CPEB3: variants seen among roughly 807,000 people sequenced by gnomAD.
The protein encoded by CPEB3 is cytoplasmic polyadenylation element-binding protein 3.
Under a neutral mutation model 67.2 loss-of-function variants are expected in CPEB3, and 20 were observed. The ratio of observed to expected loss-of-function variants is 0.30; its 90% confidence interval spans 0.21 to 0.43. The LOEUF (loss-of-function observed/expected upper bound fraction) is 0.43. Ranked by LOEUF, CPEB3 falls within the 20% of genes least tolerant of loss-of-function variation. The pLI, the probability that CPEB3 is intolerant of heterozygous loss-of-function variation, is 1.00. For missense variants in CPEB3, 746 were observed against 968.6 expected (o/e 0.77, Z 3.05); for synonymous variants, 376 against 393.1 (o/e 0.96, Z 0.51).
chr10:92,086,464 A>G (rs1843377489), intron 8 of CPEB3, among the ~76,000 whole-genome samples: 1 of 152,222 alleles, frequency 6.6e-6, no homozygotes, highest in South Asian at 2.1e-4. Context: ...GACTGTTACT[A>G]CTGTTACTGA....
chr10:92,181,367 CAAAAAAAAAAAA>C (rs55896574), intron 3 of CPEB3, among the ~76,000 whole-genome samples: 5 of 95,404 alleles, frequency 5.2e-5, no homozygotes, highest in Admixed American at 2.1e-4. Flanking sequence ...ATTCAAGCAG[CAAAAAAAAAAAA>C]AAAAAAAAAA....
At chr10:92,153,306 A>T (rs995669661) in intron 4 of CPEB3, among the ~76,000 whole-genome samples, 7 of 152,226 alleles carry the variant, frequency 4.6e-5, no homozygotes, top group Admixed American at 6.5e-5. Context: ...ATTGGATTTT[A>T]GAACTTTTGT....
intron 9 of CPEB3, 66 bp from the exon 10 acceptor site, chr10:92,052,505 G>C: frequency 7.2e-7 from 1 of 1,392,228 alleles, no homozygotes. Flanking sequence ...TCTTGCTTTT[G>C]AGAGTTTACA....
chr10:92,170,364 A>G (rs1377414790), intron 4 of CPEB3, among the ~76,000 whole-genome samples: 1 of 152,202 alleles, frequency 6.6e-6, no homozygotes, highest in East Asian at 1.9e-4. Context: ...TTCCTCATCA[A>G]AACAGAAAAA....
chr10:92,251,613 T>C (rs1387911424), intron 1 of CPEB3, among the ~76,000 whole-genome samples: 1 of 151,930 alleles, frequency 6.6e-6, no homozygotes, highest in Non-Finnish European at 1.5e-5. Flanking sequence ...CAACTGAATA[T>C]CCATATGGCA....
chr10:92,055,203 T>C (rs1052822476), intron 9 of CPEB3, among the ~76,000 whole-genome samples: 1 of 152,244 alleles, frequency 6.6e-6, no homozygotes, highest in South Asian at 2.1e-4. Context: ...AAACAGCACC[T>C]TCTGTCTATT....
At position 92,202,556 on chromosome 10, in the gene CPEB3, G is replaced by A. The variant is rs182527469; in HGVS notation, c.1006-9920C>T. Among the ~76,000 whole-genome samples, 26 of 151,022 alleles carry A rather than the reference G, an allele frequency of 1.7e-4. 1 individual carries two copies. The East Asian group carries it at 4.1e-3, about 24-fold the overall frequency. On this transcript the variant is annotated intron_variant, in intron 2 of 9. Transcript: ENST00000265997. ...AATATAAAAATTTTAAAAGTTAAAT[G>A]AAGTATTGATACATGCTACAACATG...
At chr10:92,289,732 A>AAAAAAAAAAAAAAAAATAT in intron 1 of CPEB3, among the ~76,000 whole-genome samples, 36 of 75,762 alleles carry the variant, frequency 4.8e-4, no homozygotes, top group South Asian at 7.4e-4. Flanking sequence ...AAAAAAAAAA[A>AAAAAAAAAAAAAAAAATAT]ATATATATAT....
intron 2 of CPEB3, among the ~76,000 whole-genome samples, chr10:92,208,469 A>G (rs1849900941): frequency 6.6e-6 from 1 of 152,170 alleles, no homozygotes; most frequent in South Asian, 2.1e-4. Flanking sequence ...TTACAAATAA[A>G]TCTTAGCTAT....
At chr10:92,234,105 C>CAAAAAA (rs1266057741) in intron 2 of CPEB3, among the ~76,000 whole-genome samples, 1 of 81,700 alleles carries the variant, frequency 1.2e-5, no homozygotes. Context: ...GACTTTGTCT[C>CAAAAAA]AAAAAAAAAA....
chr10:92,202,726 C>A (rs1849574837), intron 2 of CPEB3, among the ~76,000 whole-genome samples: 2 of 151,330 alleles, frequency 1.3e-5, no homozygotes, highest in South Asian at 4.2e-4. Flanking sequence ...GAAATCAGGG[C>A]AAAATGCAGA....
intron 1 of CPEB3, among the ~76,000 whole-genome samples, chr10:92,266,861 C>G (rs560626089): frequency 1.3e-5 from 2 of 151,972 alleles, no homozygotes; most frequent in Admixed American, 6.6e-5. Context: ...TGGTGAAACC[C>G]CATCTCTACT....
At chr10:92,291,117 C>G (rs1380410936), upstream of CPEB3, 1 of 349,736 alleles carries the variant, frequency 2.9e-6, no homozygotes, top group Non-Finnish European at 5.2e-6. Flanking sequence ...CCAGGCTGCT[C>G]TGGGCCGCCC....
chr10:92,072,359 G>T (rs547401836), intron 9 of CPEB3, among the ~76,000 whole-genome samples: 1 of 151,004 alleles, frequency 6.6e-6, no homozygotes, highest in South Asian at 2.1e-4. Flanking sequence ...TACTTTAAAA[G>T]GAAAAAAAAA....
chr10:92,272,841 A>C (rs1350488381), intron 1 of CPEB3, among the ~76,000 whole-genome samples: 1 of 152,202 alleles, frequency 6.6e-6, no homozygotes, highest in Non-Finnish European at 1.5e-5. Flanking sequence ...CGTGATCAGG[A>C]GTTCATTACT....
intron 9 of CPEB3, among the ~76,000 whole-genome samples, chr10:92,065,592 C>A (rs533350273): frequency 1.3e-5 from 2 of 152,076 alleles, no homozygotes; most frequent in Non-Finnish European, 2.9e-5. Context: ...AAATTTCAAC[C>A]CCAGTTCACT....
chr10:92,168,791 CTTT>C (rs748498383), intron 4 of CPEB3, among the ~76,000 whole-genome samples: 10 of 118,372 alleles, frequency 8.4e-5, no homozygotes, highest in Admixed American at 8.9e-5. Context: ...ACCTCTTGCC[CTTT>C]TTTTTTTTTT....
chr10:92,217,248 T>TATACAC (rs1276898077), intron 2 of CPEB3, among the ~76,000 whole-genome samples: 6 of 127,278 alleles, frequency 4.7e-5, no homozygotes, highest in African/African-American at 1.6e-4. Context: ...TATATATATA[T>TATACAC]ACACACACAC....
intron 4 of CPEB3, among the ~76,000 whole-genome samples, chr10:92,155,866 AT>A (rs976262830): frequency 2.6e-5 from 4 of 152,084 alleles, no homozygotes; most frequent in African/African-American, 7.2e-5. Context: ...AAGGATGAGT[AT>A]TTTTTTCAGA....
Sources: gnomAD v4.1 joint callset for allele counts (sites outside exome capture counted in the v4.1 genomes callset) on GRCh38, gnomAD v4.1.1 for gene constraint, MANE v1.5 for transcripts, NCBI Gene and HGNC (gene_info 2026-07-23, HGNC 2026-07-21) for gene names.